Variants in EPHB1 observed in about 807,000 individuals in gnomAD.
EPHB1 encodes the protein EPH receptor B1.
EPHB1 carries 30 observed loss-of-function variants against 94.4 expected under a neutral mutation model. The ratio of observed to expected loss-of-function variants is 0.32; its 90% confidence interval spans 0.24 to 0.43. EPHB1 has a LOEUF of 0.43. Ranked by LOEUF, EPHB1 falls within the 20% of genes least tolerant of loss-of-function variation. The probability of loss-of-function intolerance (pLI) is 1.00; values close to 1 mark genes in which losing one functional copy is unlikely to be tolerated. For synonymous variants in EPHB1, 522 were observed against 489.1 expected, an observed-to-expected ratio of 1.07 and a Z score of -0.89; for missense variants, 1,055 against 1,308.3, an observed-to-expected ratio of 0.81 and a Z score of 2.99.
chr3:134,953,952 A>G (rs2107717108), intron 3 of EPHB1, among the ~76,000 whole-genome samples: 1 of 152,308 alleles, frequency 6.6e-6, no homozygotes, highest in African/African-American at 2.4e-5. Context: ...GTTTTGTTGG[A>G]CATTTCTAAT....
At chr3:135,154,101 C>T (rs1489005300) in intron 5 of EPHB1, 51 bp from the exon 6 acceptor site, 15 of 1,609,522 alleles carry the variant, frequency 9.3e-6, no homozygotes, top group Non-Finnish European at 1.3e-5. Flanking sequence ...ATGGCCCTTC[C>T]CCTATAATTG....
intron 3 of EPHB1, among the ~76,000 whole-genome samples, chr3:135,072,965 G>A (rs1472939825): frequency 6.6e-6 from 1 of 152,104 alleles, no homozygotes; most frequent in East Asian, 1.9e-4. Context: ...GTCTCATCAT[G>A]AGTTCATAGA....
At chr3:135,161,691 G>A (rs1941511312) in intron 6 of EPHB1, among the ~76,000 whole-genome samples, 1 of 152,182 alleles carries the variant, frequency 6.6e-6, no homozygotes, top group Non-Finnish European at 1.5e-5. Context: ...AAAGCTGGAT[G>A]TGCTATGTTA....
At chr3:134,941,290 A>C (rs6775023) in intron 2 of EPHB1, among the ~76,000 whole-genome samples, 55,363 of 135,004 alleles carry the variant, frequency 0.41, 11,112 homozygotes, top group African/African-American at 0.5. Context: ...CATTTTGACC[A>C]GTAATATTAT....
chr3:134,817,066 A>G (rs368531797), intron 1 of EPHB1, among the ~76,000 whole-genome samples: 2 of 152,310 alleles, frequency 1.3e-5, no homozygotes, highest in East Asian at 3.9e-4. Context: ...AGAAGGAGGC[A>G]GCCACTTGGA....
intron 1 of EPHB1, among the ~76,000 whole-genome samples, chr3:134,838,582 T>C (rs2036721822): frequency 6.6e-6 from 1 of 152,158 alleles, no homozygotes; most frequent in Non-Finnish European, 1.5e-5. Context: ...AACCACATTC[T>C]CTCATGCTAT....
At chr3:134,882,022 C>T (rs539788821) in intron 1 of EPHB1, among the ~76,000 whole-genome samples, 35 of 152,160 alleles carry the variant, frequency 2.3e-4, no homozygotes, top group Non-Finnish European at 4.6e-4. Context: ...TGGGATGCAT[C>T]CAAGACTGTA....
intron 3 of EPHB1, among the ~76,000 whole-genome samples, chr3:135,102,286 C>CG (rs1344263625): frequency 2.0e-5 from 3 of 152,190 alleles, no homozygotes; most frequent in Non-Finnish European, 4.4e-5. Flanking sequence ...GTGTGACTCC[C>CG]GGCTGCTTTA....
chr3:134,989,624 A>G, intron 3 of EPHB1, among the ~76,000 whole-genome samples: 1 of 152,224 alleles, frequency 6.6e-6, no homozygotes, highest in East Asian at 1.9e-4. Context: ...GTAACTAGAA[A>G]GATGGATGGC....
At chr3:135,018,719 G>C (rs533983826) in intron 3 of EPHB1, among the ~76,000 whole-genome samples, 4 of 152,116 alleles carry the variant, frequency 2.6e-5, no homozygotes, top group African/African-American at 4.8e-5. Context: ...TGTGAGCCTC[G>C]CAGGACACAA....
At chr3:134,831,722 A>G (rs1031109608) in intron 1 of EPHB1, among the ~76,000 whole-genome samples, 3 of 152,218 alleles carry the variant, frequency 2.0e-5, no homozygotes, top group African/African-American at 7.2e-5. Flanking sequence ...GGCTTGGCCC[A>G]GTAGCTTTTT....
intron 4 of EPHB1, among the ~76,000 whole-genome samples, chr3:135,124,974 C>T (rs1249224324): frequency 6.6e-6 from 1 of 151,650 alleles, no homozygotes; most frequent in Non-Finnish European, 1.5e-5. Flanking sequence ...CTTGAAGGGA[C>T]ACCTCAGAAT....
chr3:134,827,353 G>T (rs543270627), intron 1 of EPHB1, among the ~76,000 whole-genome samples: 4 of 132,912 alleles, frequency 3.0e-5, no homozygotes, highest in Non-Finnish European at 4.8e-5. Context: ...AGATGTGCGC[G>T]GGTGCGCGTG....
At chr3:135,247,970 A>G (rs1410306727) in intron 13 of EPHB1, among the ~76,000 whole-genome samples, 1 of 152,188 alleles carries the variant, frequency 6.6e-6, no homozygotes, top group Non-Finnish European at 1.5e-5. Context: ...AGCTTCCAGT[A>G]AGGCAGAATT....
At chr3:135,145,389 A>T (rs1475911950) in intron 5 of EPHB1, among the ~76,000 whole-genome samples, 1 of 152,168 alleles carries the variant, frequency 6.6e-6, no homozygotes, top group East Asian at 1.9e-4. Context: ...CCCATCACTC[A>T]TAGCTTCTAG....
intron 10 of EPHB1, among the ~76,000 whole-genome samples, chr3:135,188,474 G>A (rs1209415844): frequency 3.3e-5 from 5 of 152,020 alleles, no homozygotes; most frequent in East Asian, 1.9e-4. Context: ...CAGCCTGGGC[G>A]ACATAGCAAG....
At chr3:135,016,229 C>G (rs1195351426) in intron 3 of EPHB1, among the ~76,000 whole-genome samples, 2 of 152,212 alleles carry the variant, frequency 1.3e-5, no homozygotes, top group Non-Finnish European at 2.9e-5. Flanking sequence ...CCTTAAAGTA[C>G]TTCCAGCAAC....
At chr3:135,120,129 C>G (rs1003812605) in intron 4 of EPHB1, among the ~76,000 whole-genome samples, 1 of 152,196 alleles carries the variant, frequency 6.6e-6, no homozygotes, top group Non-Finnish European at 1.5e-5. Context: ...ATCTTACAAC[C>G]AGCTTGACAA....
intron 3 of EPHB1, among the ~76,000 whole-genome samples, chr3:135,075,653 C>G (rs34156808): frequency 0.34 from 51,127 of 152,092 alleles, 10,732 homozygotes; most frequent in East Asian, 0.72. Flanking sequence ...GCATCATCCA[C>G]AGCTCTTCTC....
Sources: allele counts gnomAD v4.1 joint callset (sites outside exome capture counted in the v4.1 genomes callset), GRCh38; gene constraint gnomAD v4.1.1; transcripts MANE v1.5; gene names NCBI Gene and HGNC (gene_info 2026-07-23, HGNC 2026-07-21).